JAK3: variants seen among roughly 807,000 people sequenced by gnomAD.
The protein encoded by JAK3 is tyrosine-protein kinase JAK3.
In JAK3, 88 loss-of-function variants were observed where a neutral mutation model predicts 120.8. That is an observed-to-expected ratio of 0.73 (90% CI 0.61 to 0.87). The LOEUF is 0.87. Among genes scored for constraint, JAK3 ranks in the 40% least tolerant of loss-of-function variants. The probability of loss-of-function intolerance (pLI) is 0.00; values close to 1 mark genes in which losing one functional copy is unlikely to be tolerated. For missense variants in JAK3, 1,254 were observed against 1,501.4 expected, an observed-to-expected ratio of 0.84 and a Z score of 2.72; for synonymous variants, 592 against 628.6, an observed-to-expected ratio of 0.94 and a Z score of 0.87.
Position 17,842,386 on chromosome 19 carries a change from C to T in JAK3, c.791G>A (p.Gly264Asp). ...FHVGLPGALG[G>D]HDGLGLLRVA... Reference sequence around the variant, plus strand: ...GCGGAGCAGCCCCAGCCCGTCGTGGCCACCAAGGGCCCCAGGGAGGCCCAC... The same window carrying T: ...GCGGAGCAGCCCCAGCCCGTCGTGGTCACCAAGGGCCCCAGGGAGGCCCAC... The change falls in exon 6 of 24, where the codon GGC becomes GAC. Residue 264 changes from glycine to aspartate, a missense_variant. Around this residue, in one of 3 missense-constraint regions of JAK3, gnomAD observed 486 missense variants for 503.0 expected, o/e 0.97. Transcript: ENST00000458235. The surrounding 1 kb of genome is among the most constrained non-coding windows in gnomAD (Gnocchi z 6.4). The T allele has an allele frequency of 6.3e-7, 1 of 1,584,638 alleles. No individual in the cohort carries two copies. Among genetic ancestry groups the T allele is most frequent in the African/African-American group, 1.3e-5 (1 of 74,540 alleles).
intron 1 of JAK3, among the ~76,000 whole-genome samples, chr19:17,845,157 G>C (rs2094249244): frequency 6.6e-6 from 1 of 152,150 alleles, no homozygotes; most frequent in Non-Finnish European, 1.5e-5. Context: ...CTTGAGACCA[G>C]GAGTTTGTTT....
chr19:17,837,363 A>G (rs538797934), intron 12 of JAK3, 150 bp from the exon 13 acceptor site: 168 of 699,418 alleles, frequency 2.4e-4, no homozygotes, highest in Non-Finnish European at 4.2e-4. Flanking sequence ...CAGCACTACC[A>G]TGATTTTCTG....
In JAK3 at chr19:17,842,485, C is replaced by T. The variant is rs557965316; in HGVS notation, c.692G>A (p.Arg231Gln). The T allele has an allele frequency of 1.3e-6, 2 of 1,599,626 alleles. No individual in the cohort carries two copies. Among genetic ancestry groups the T allele is most frequent in the Non-Finnish European group, 1.7e-6 (2 of 1,174,066 alleles). ...GATGTACTTGGCCATGAGCGAGTGC[C>T]GGTCTGCCTGGCAGGCGGCCACGCG... Reference protein sequence around the residue: ...LRRVAACQADRHSLMAKYIMD... With the variant: ...LRRVAACQADQHSLMAKYIMD... Residue 231 changes from arginine (R) to glutamine (Q), a missense_variant, in exon 6 of 24, where the codon CGG becomes CAG. Physicochemically the swap from Arg to Gln is conservative, Grantham distance 43. Around this residue, in one of 3 missense-constraint regions of JAK3, gnomAD observed 486 missense variants for 503.0 expected, o/e 0.97. Transcript: ENST00000458235. The surrounding 1 kb of genome is among the most constrained non-coding windows in gnomAD (Gnocchi z 6.4).
In JAK3 at chr19:17,825,580, G is replaced by C. The variant is rs141814762; in HGVS notation, c.*1163C>G. ...GGCTTCCTCCAGAGAAACAGAGATC[G>C]GGGAGCAGAAGTCAGATCATACATT... On this transcript the variant is annotated 3_prime_UTR_variant, in exon 24 of 24. Transcript: ENST00000458235. 2.6e-5 allele frequency: 5 copies of C among 191,342 alleles called. No individual in the cohort carries two copies. Among genetic ancestry groups the C allele is most frequent in the African/African-American group, 7.0e-5 (3 of 42,892 alleles). 11.9% of individuals were successfully genotyped at this position (191,342 alleles called of 1,614,324 possible). A position where few individuals can be genotyped will look rare whatever the true frequency, so the allele number is the denominator to read the frequency against.
rs753489606 is a variant in JAK3, at chr19:17,843,511, C to T, written c.309-20G>A. On this transcript the variant is annotated intron_variant, in intron 3 of 23. Coordinates refer to ENST00000458235, the MANE Select transcript of JAK3 (RefSeq NM_000215.4). This position sits in a 1 kb window ranked among gnomAD's most constrained non-coding sequence, Gnocchi z 5.4. ...TAAAAGCTGTGAGGAGAGGAGAGAACCCTGGGATGAAAGTGCAACCCAGCC... is the reference window on the plus strand; with the variant it reads ...TAAAAGCTGTGAGGAGAGGAGAGAATCCTGGGATGAAAGTGCAACCCAGCC... The T allele has an allele frequency of 1.2e-5, 19 of 1,550,184 alleles. No individual in the cohort carries two copies. The Admixed American group carries it at 3.5e-4, about 29-fold the overall frequency.
chr19:17,838,057 T>G lies in JAK3; in HGVS notation c.1576A>C (p.Asn526His). 1.2e-6 allele frequency: 2 copies of G among 1,614,112 alleles called. No individual in the cohort carries two copies. Among genetic ancestry groups the G allele is most frequent in the Non-Finnish European group, 1.7e-6 (2 of 1,180,018 alleles). ...IPADSLEWHE[N>H]LGHGSFTKIY... Reference sequence around the variant, plus strand: ...TTGGTGAAGGACCCATGGCCCAGGTTCTCATGCTGAATGGTGAGGGGACAG... The same window carrying G: ...TTGGTGAAGGACCCATGGCCCAGGTGCTCATGCTGAATGGTGAGGGGACAG... Residue 526 changes from asparagine (N) to histidine (H), a missense_variant, in exon 12 of 24, where the codon AAC (asparagine) becomes CAC (histidine). Physicochemically the swap from Asn to His is moderately conservative, Grantham distance 68. Transcript: ENST00000458235.
chr19:17,847,873 G>C, intron 1 of JAK3, 73 bp downstream of exon 1: 3 of 648,314 alleles, frequency 4.6e-6, no homozygotes, highest in African/African-American at 2.0e-5. Flanking sequence ...CCCTGCCCCA[G>C]CCCAGCCATC....
Position 17,839,654 on chromosome 19 carries a change from C to A in JAK3, c.1264G>T (p.Gly422Cys). The change falls in exon 10 of 24, where the codon GGT (glycine) becomes TGT (cysteine). Residue 422 changes from glycine to cysteine, a missense_variant. Physicochemically the swap from Gly to Cys is radical, Grantham distance 159 (BLOSUM62 -3). This residue lies in a region of JAK3 where 486 missense variants were observed against 503.0 expected (regional missense o/e 0.97). Transcript: ENST00000458235. Reference protein sequence around the residue: ...LLTVCVQNPLGPDYKGCLIRR... With the variant: ...LLTVCVQNPLCPDYKGCLIRR... ...ATGAGGCAGCCCTTATAATCAGGAC[C>A]AAGGGGGTTCTGCAAAGAAGAGTGG... 2 of 1,609,952 alleles carry A rather than the reference C, an allele frequency of 1.2e-6. No homozygotes were observed. The highest frequency in any genetic ancestry group is 1.7e-6 in the Non-Finnish European group (2 of 1,178,788).
chr19:17,839,638 C>A lies in JAK3; in HGVS notation c.1280G>T (p.Gly427Val), dbSNP rs2094232831. 11 of 1,610,986 alleles carry A rather than the reference C, an allele frequency of 6.8e-6. No homozygotes were observed. Among genetic ancestry groups the A allele is most frequent in the Non-Finnish European group, 9.3e-6 (11 of 1,179,186 alleles). The change falls in exon 10 of 24, where the codon GGC (glycine) becomes GTC (valine). Residue 427 changes from glycine (G) to valine (V), a missense_variant. By Grantham distance (109) the Gly-to-Val change is moderately radical (BLOSUM62 -3). This residue lies in a region of JAK3 where 486 missense variants were observed against 503.0 expected (regional missense o/e 0.97). Coordinates refer to ENST00000458235, the MANE Select transcript of JAK3 (RefSeq NM_000215.4). The stretch of plus-strand genomic sequence containing the variant: ...TGTGGGGCTGCGCCGGATGAGGCAG[C>A]CCTTATAATCAGGACCAAGGGGGTT... The part of the protein sequence containing the change: ...VQNPLGPDYK[G>V]CLIRRSPTGT...
At position 17,835,086 on chromosome 19, in the gene JAK3, C is replaced by T. The variant is rs1568402956; in HGVS notation, c.2044G>A (p.Glu682Lys). 4.3e-6 allele frequency: 7 copies of T among 1,614,212 alleles called. No individual in the cohort carries two copies. The highest frequency in any genetic ancestry group is 5.9e-6 in the Non-Finnish European group (7 of 1,180,038). The change falls in exon 15 of 24, where the codon GAG (glutamate) becomes AAG (lysine). Residue 682 changes from glutamate to lysine, a missense_variant. Physicochemically the swap from Glu to Lys is moderately conservative, Grantham distance 56 (BLOSUM62 1). Transcript: ENST00000458235. Reference sequence around the variant, plus strand: ...TCCTCCACCTCCAGGAACTTACTCTCCAGGCTTAACACAGCGGGGCTGACC... The same window carrying T: ...TCCTCCACCTCCAGGAACTTACTCTTCAGGCTTAACACAGCGGGGCTGACC... Reference protein sequence around the residue: ...PGVSPAVLSLEMLTDRIPWVA... With the variant: ...PGVSPAVLSLKMLTDRIPWVA...
chr19:17,828,202 A>C (rs2094207586), intron 23 of JAK3, among the ~76,000 whole-genome samples: 1 of 148,782 alleles, frequency 6.7e-6, no homozygotes, highest in African/African-American at 2.5e-5. Context: ...CTTTCAAGGC[A>C]CTTATCACTA....
At position 17,837,228 on chromosome 19, in the gene JAK3, A is replaced by G. The variant is rs201344826; in HGVS notation, c.1702-15T>C. ...TCCAGGAATGACTGGGGAAGGTGGGAAGGGAGAGAAGATGCGTGGGTTTCT... is the reference window on the plus strand; with the variant it reads ...TCCAGGAATGACTGGGGAAGGTGGGGAGGGAGAGAAGATGCGTGGGTTTCT... On this transcript the variant is annotated splice_polypyrimidine_tract_variant and intron_variant, in intron 12 of 23. Transcript: ENST00000458235. 1.8e-5 allele frequency: 28 copies of G among 1,554,626 alleles called. No individual in the cohort carries two copies. The South Asian group carries it at 3.3e-4, about 18-fold the overall frequency.
intron 22 of JAK3, 67 bp downstream of exon 22, chr19:17,830,436 G>T: frequency 3.1e-6 from 4 of 1,285,106 alleles, no homozygotes; most frequent in Non-Finnish European, 2.2e-6. Flanking sequence ...GGCGCAGACA[G>T]GTTGGAGATT....
At position 17,830,477 on chromosome 19, in the gene JAK3, C is replaced by T. The variant is rs1338900110; in HGVS notation, c.3096+26G>A. 5 of 1,577,766 alleles carry T rather than the reference C, an allele frequency of 3.2e-6. 1 individual carries two copies. In the South Asian group the frequency reaches 4.5e-5, roughly 14 times the overall value. On this transcript the variant is annotated intron_variant, in intron 22 of 23. Transcript: ENST00000458235. ...CGAGGGGCGTGGAGGGAGAAGAAGG[C>T]TGGGGGCTCTGGGAAGCCGACTCAC...
At chr19:17,840,590 C>G (rs1456903575) in intron 8 of JAK3, among the ~76,000 whole-genome samples, 1 of 151,798 alleles carries the variant, frequency 6.6e-6, no homozygotes, top group Non-Finnish European at 1.5e-5. Flanking sequence ...CGTGAAACCC[C>G]GTCGCTACTG....
rs1325426169 is a variant in JAK3 at position 17,825,371 on chromosome 19, C to T, written c.*1372G>A. ...AGGTTTGGTGTCATCCCTTTGTGCC[C>T]CTTGTAGGGTGAGGACAGAAAGGGT... On this transcript the variant is annotated 3_prime_UTR_variant, in exon 24 of 24. Coordinates refer to ENST00000458235, the MANE Select transcript of JAK3 (RefSeq NM_000215.4). 4.5e-6 allele frequency: 1 copy of T among 224,716 alleles called. No individual in the cohort carries two copies. Among genetic ancestry groups the T allele is most frequent in the Admixed American group, 5.7e-5 (1 of 17,430 alleles). The allele number at this position is 224,716 out of a possible 1,614,324, so 13.9% of individuals were successfully genotyped here. A position where few individuals can be genotyped will look rare whatever the true frequency, so the allele number is the denominator to read the frequency against.
rs2147697304 is a variant in JAK3 at position 17,842,411 on chromosome 19, C to G, written c.766G>C (p.Val256Leu). Residue 256 changes from valine (V) to leucine (L), a missense_variant, in exon 6 of 24, where the codon GTG (valine) becomes CTG (leucine). Physicochemically the swap from Val to Leu is conservative, Grantham distance 32. Transcript: ENST00000458235. The surrounding 1 kb of genome is among the most constrained non-coding windows in gnomAD (Gnocchi z 6.4). ...DPAGAAETFHVGLPGALGGHD... is the reference protein window; with the variant it reads ...DPAGAAETFHLGLPGALGGHD... Reference sequence around the variant, plus strand: ...CCACCAAGGGCCCCAGGGAGGCCCACGTGGAAGGTCTCGGCGGCCCCGGCT... The same window carrying G: ...CCACCAAGGGCCCCAGGGAGGCCCAGGTGGAAGGTCTCGGCGGCCCCGGCT... 6.3e-7 allele frequency: 1 copy of G among 1,585,634 alleles called. No individual in the cohort carries two copies. The highest frequency in any genetic ancestry group is 8.6e-7 in the Non-Finnish European group (1 of 1,168,878).
chr19:17,829,115 G>A (rs960586574), intron 23 of JAK3, among the ~76,000 whole-genome samples: 4 of 152,054 alleles, frequency 2.6e-5, no homozygotes, highest in African/African-American at 4.8e-5. Context: ...GCAACATAGC[G>A]AGACCTTGTC....
intron 17 of JAK3, among the ~76,000 whole-genome samples, chr19:17,833,761 G>A (rs930524717): frequency 2.6e-5 from 4 of 152,132 alleles, no homozygotes; most frequent in African/African-American, 9.7e-5. Flanking sequence ...TCTGAGGCGG[G>A]AGAATTGCTT....
Sources: allele counts gnomAD v4.1 joint callset (sites outside exome capture counted in the v4.1 genomes callset), GRCh38; gene constraint gnomAD v4.1.1; regional missense constraint gnomAD v4.1.1; non-coding constraint Gnocchi (gnomAD v3.1); transcripts MANE v1.5; gene names NCBI Gene and HGNC (gene_info 2026-07-23, HGNC 2026-07-21).